ADAM18: variants seen among roughly 807,000 people sequenced by gnomAD.
ADAM18 encodes the protein ADAM metallopeptidase domain 18, also known as disintegrin and metalloproteinase domain-containing protein 18.
Under a neutral mutation model 94.4 loss-of-function variants are expected in ADAM18, and 117 were observed. That is an observed-to-expected ratio of 1.24 (90% CI 1.07 to 1.45). The LOEUF (loss-of-function observed/expected upper bound fraction) is 1.45. ADAM18 is among the 40% of genes most tolerant of loss of function. The probability of loss-of-function intolerance (pLI) is 0.00; values close to 1 mark genes in which losing one functional copy is unlikely to be tolerated. For synonymous variants in ADAM18, 327 were observed against 291.6 expected (o/e 1.12, Z -1.24); for missense variants, 936 against 880.0 (o/e 1.06, Z -0.81).
chr8:39,684,409 A>G (rs1254140750), intron 16 of ADAM18, among the ~76,000 whole-genome samples: 1 of 152,162 alleles, frequency 6.6e-6, no homozygotes, highest in Admixed American at 6.5e-5. Context: ...CATACAGTCA[A>G]TCTCTAGGAA....
At chr8:39,708,650 C>T (rs1282740632) in intron 18 of ADAM18, among the ~76,000 whole-genome samples, 1 of 152,216 alleles carries the variant, frequency 6.6e-6, no homozygotes, top group Admixed American at 6.5e-5. Context: ...GCCTCATTTG[C>T]ACAACCTGCA....
rs1028086144 is a variant in ADAM18 at position 39,601,872 on chromosome 8, T to C, written c.133-4435T>C. 9.9e-5 allele frequency among the ~76,000 whole-genome samples: 15 copies of C among 152,238 alleles called. 1 individual carries two copies. The highest frequency in any genetic ancestry group is 3.6e-4 in the African/African-American group (15 of 41,470). Reference sequence around the variant, plus strand: ...TTTCCAACCATCTTTCTACTTTTTGTTTCCATGATTTTGACTACATTAGAT... The same window carrying C: ...TTTCCAACCATCTTTCTACTTTTTGCTTCCATGATTTTGACTACATTAGAT... On this transcript the variant is annotated intron_variant, in intron 2 of 19. Coordinates refer to ENST00000265707, the MANE Select transcript of ADAM18 (RefSeq NM_014237.3).
chr8:39,675,942 G>A (rs576580549), intron 14 of ADAM18, among the ~76,000 whole-genome samples: 6 of 152,202 alleles, frequency 3.9e-5, no homozygotes, highest in Non-Finnish European at 7.3e-5. Context: ...GTTTCCCTGG[G>A]TATCACCAGT....
intron 10 of ADAM18, among the ~76,000 whole-genome samples, chr8:39,643,494 G>A (rs954922436): frequency 2.0e-5 from 3 of 151,994 alleles, no homozygotes; most frequent in Non-Finnish European, 2.9e-5. Flanking sequence ...GATATATTAG[G>A]GGGTCTGTAT....
chr8:39,718,283 C>T (rs899306763), intron 18 of ADAM18, among the ~76,000 whole-genome samples: 16 of 151,474 alleles, frequency 1.1e-4, no homozygotes, highest in Admixed American at 2.6e-4. Flanking sequence ...TAGCACTATT[C>T]ACAATACTCA....
intron 12 of ADAM18, 47 bp from the exon 13 acceptor site, chr8:39,663,747 CT>C (rs752984137): frequency 2.4e-6 from 3 of 1,253,150 alleles, no homozygotes; most frequent in South Asian, 2.5e-5. Flanking sequence ...GAAACAAGAG[CT>C]TTTAAGTGGT....
At chr8:39,584,804 T>C (rs1414867367) in intron 1 of ADAM18, 127 bp downstream of exon 1, 3 of 1,165,756 alleles carry the variant, frequency 2.6e-6, no homozygotes, top group Non-Finnish European at 3.7e-6. Flanking sequence ...CTGGTGCTTC[T>C]GGTGTGTCAG....
intron 7 of ADAM18, 60 bp downstream of exon 7, chr8:39,629,499 TTTCC>T (rs1479375040): frequency 8.8e-7 from 1 of 1,142,456 alleles, no homozygotes; most frequent in Non-Finnish European, 1.2e-6. Context: ...AAGAAAGAAC[TTTCC>T]TTCTTGCATT....
chr8:39,689,647 G>A (rs192764408), intron 16 of ADAM18, among the ~76,000 whole-genome samples: 5 of 152,164 alleles, frequency 3.3e-5, no homozygotes, highest in Admixed American at 6.6e-5. Context: ...AGCTTTGTTC[G>A]CTTTGCATAG....
At position 39,681,950 on chromosome 8, in the gene ADAM18, A is replaced by G. The variant is rs143251623; in HGVS notation, c.1821+1724A>G. Among the ~76,000 whole-genome samples, 69 of 152,338 alleles carry G rather than the reference A, an allele frequency of 4.5e-4. 1 individual carries two copies. Among genetic ancestry groups the G allele is most frequent in the East Asian group, 2.5e-3 (13 of 5,186 alleles). On this transcript the variant is annotated intron_variant, in intron 16 of 19. Transcript: ENST00000265707. ...AGGAACTGTTAAATAAAACATAACC[A>G]TTGATGATTTTGAAAATTCTTAACT...
intron 7 of ADAM18, among the ~76,000 whole-genome samples, chr8:39,636,762 A>G (rs990628522): frequency 4.6e-5 from 7 of 151,774 alleles, no homozygotes; most frequent in African/African-American, 1.7e-4. Flanking sequence ...TTTGTATCCT[A>G]TGAATGCCGT....
chr8:39,629,673 C>T (rs991898181), intron 7 of ADAM18, among the ~76,000 whole-genome samples: 2 of 151,316 alleles, frequency 1.3e-5, no homozygotes, highest in African/African-American at 4.9e-5. Context: ...TCCCTCCCTT[C>T]TTTCCTTGCT....
At chr8:39,624,233 T>C (rs908079883) in intron 6 of ADAM18, among the ~76,000 whole-genome samples, 1 of 152,196 alleles carries the variant, frequency 6.6e-6, no homozygotes, top group South Asian at 2.1e-4. Flanking sequence ...TAGGGCAATG[T>C]CCAGAAGAGT....
intron 2 of ADAM18, among the ~76,000 whole-genome samples, chr8:39,588,134 C>T (rs1391769476): frequency 1.3e-5 from 2 of 152,048 alleles, no homozygotes; most frequent in Admixed American, 6.6e-5. Flanking sequence ...AATGGCTGCA[C>T]CATTCTCCAT....
intron 19 of ADAM18, 112 bp from the exon 20 acceptor site, chr8:39,729,785 AT>A: frequency 2.6e-6 from 2 of 777,470 alleles, no homozygotes; most frequent in South Asian, 1.8e-5. Flanking sequence ...ATAATCTTTG[AT>A]TTTTAGCAAT....
chr8:39,593,351 A>G (rs1255453352), intron 2 of ADAM18, among the ~76,000 whole-genome samples: 1 of 152,172 alleles, frequency 6.6e-6, no homozygotes, highest in Non-Finnish European at 1.5e-5. Flanking sequence ...TGCAATCCCA[A>G]TCAAAATTCC....
At chr8:39,672,335 G>T (rs543932249) in intron 14 of ADAM18, among the ~76,000 whole-genome samples, 1 of 152,132 alleles carries the variant, frequency 6.6e-6, no homozygotes, top group African/African-American at 2.4e-5. Flanking sequence ...CGGTAGCAAT[G>T]GATATGATAA....
intron 3 of ADAM18, among the ~76,000 whole-genome samples, chr8:39,608,633 C>T (rs572276061): frequency 6.6e-6 from 1 of 152,144 alleles, no homozygotes; most frequent in South Asian, 2.1e-4. Flanking sequence ...TTTGTAACCA[C>T]CCTCCCCAGG....
intron 2 of ADAM18, among the ~76,000 whole-genome samples, chr8:39,587,271 T>C (rs1818432588): frequency 6.6e-6 from 1 of 152,222 alleles, no homozygotes; most frequent in African/African-American, 2.4e-5. Flanking sequence ...TATTTTCAAG[T>C]GCACAATGGT....
Sources: gnomAD v4.1 joint callset for allele counts (sites outside exome capture counted in the v4.1 genomes callset) on GRCh38, gnomAD v4.1.1 for gene constraint, MANE v1.5 for transcripts, NCBI Gene and HGNC (gene_info 2026-07-23, HGNC 2026-07-21) for gene names.